The following GAMT variants were observed in gnomAD, a reference collection of about 807,000 sequenced individuals.
GAMT encodes the protein guanidinoacetate N-methyltransferase.
A neutral mutation model predicts 26.9 loss-of-function variants in GAMT; 26 were observed. The ratio of observed to expected loss-of-function variants is 0.97; its 90% CI spans 0.71 to 1.34. The LOEUF is 1.34. GAMT is among the 40% of genes most tolerant of loss of function. The pLI is 0.00. For synonymous variants in GAMT, 169 were observed against 149.6 expected (o/e 1.13, Z -0.95); for missense variants, 412 against 345.0 (o/e 1.19, Z -1.54).
At position 1,401,321 on chromosome 19, in the gene GAMT, C is replaced by A. The variant is rs1447391161; in HGVS notation, c.156G>T (p.Ala52=). The A allele has an allele frequency of 6.6e-7, 1 of 1,520,408 alleles. No homozygotes were observed. The allele number at this position is 1,520,408 out of a possible 1,614,324, so 94.2% of individuals were successfully genotyped here. Residue 52 remains alanine, a synonymous_variant, in exon 1 of 6, where the codon GCG becomes GCT. Transcript: ENST00000252288. ...CTTTGGAGGAGGCGGCGGCGGCCAGCGCGTGCATATAGGGGGTCTCCCAGC... is the reference window on the plus strand; with the variant it reads ...CTTTGGAGGAGGCGGCGGCGGCCAGAGCGTGCATATAGGGGGTCTCCCAGC... The part of the protein sequence containing the change: ...MERWETPYMH[A]LAAAASSKGG...
In GAMT at chr19:1,397,312, G is replaced by A; in HGVS notation, c.*47C>T. 6.3e-7 allele frequency: 1 copy of A among 1,577,910 alleles called. No homozygotes were observed. Among genetic ancestry groups the A allele is most frequent in the Non-Finnish European group, 8.6e-7 (1 of 1,164,576 alleles). On this transcript the variant is annotated 3_prime_UTR_variant, in exon 6 of 6. Transcript: ENST00000252288. ...GTGCGACACCCTGGACTCCCGGCCA[G>A]GAAGGCACGGAGGAGGGCATGGGTG...
At position 1,399,343 on chromosome 19, in the gene GAMT, A is replaced by G. The variant is rs1487498310; in HGVS notation, c.392-148T>C. 6.4e-6 allele frequency: 7 copies of G among 1,088,368 alleles called. No homozygotes were observed. The highest frequency in any genetic ancestry group is 1.6e-5 in the African/African-American group (1 of 64,126). The allele number at this position is 1,088,368 out of a possible 1,614,324, so 67.4% of individuals were successfully genotyped here. A position where few individuals can be genotyped will look rare whatever the true frequency, so the allele number is the denominator to read the frequency against. ...CCCACACAGGCTTGAGAACCCCGAG[A>G]TCGCCTCCAGGGCCCCTCCGTGAGC... On this transcript the variant is annotated intron_variant, in intron 3 of 5. Coordinates refer to ENST00000252288, the MANE Select transcript of GAMT (RefSeq NM_000156.6). The surrounding 1 kb of genome is among the most constrained non-coding windows in gnomAD (Gnocchi z 6.2).
chr19:1,400,081 G>C (rs1367374028), intron 1 of GAMT, 143 bp from the exon 2 acceptor site: 10 of 970,394 alleles, frequency 1.0e-5, no homozygotes, highest in African/African-American at 1.7e-5. Flanking sequence ...GCCTGGAGGG[G>C]GGCGTGCAGA....
chr19:1,398,708 T>C, intron 5 of GAMT: 1 of 1,534,346 alleles, frequency 6.5e-7, no homozygotes, highest in Non-Finnish European at 8.8e-7. Flanking sequence ...CCTTCCACAG[T>C]GCTGGGATTA....
chr19:1,397,254 T>C lies in GAMT; in HGVS notation c.*105A>G. 3 of 1,369,450 alleles carry C rather than the reference T, an allele frequency of 2.2e-6. No individual in the cohort carries two copies. The highest frequency in any genetic ancestry group is 1.4e-5 in the African/African-American group (1 of 69,864). 84.8% of individuals were successfully genotyped at this position (1,369,450 alleles called of 1,614,324 possible). ...CTCACAGAGAAGCCGGGAAAGCTTCTGGTGACACACAGCTGGGATCAGCCC... is the reference window on the plus strand; with the variant it reads ...CTCACAGAGAAGCCGGGAAAGCTTCCGGTGACACACAGCTGGGATCAGCCC... On this transcript the variant is annotated 3_prime_UTR_variant, in exon 6 of 6. Transcript: ENST00000252288.
At chr19:1,398,525 C>G (rs950276558) in intron 5 of GAMT, 7 of 591,226 alleles carry the variant, frequency 1.2e-5, no homozygotes, top group Admixed American at 3.0e-5. Context: ...AACCTCTGCC[C>G]CTGGGGCCCA....
chr19:1,399,329 T>A lies in GAMT; in HGVS notation c.392-134A>T. The stretch of plus-strand genomic sequence containing the variant: ...GTAGAGGTGGGGCTCCCACACAGGC[T>A]TGAGAACCCCGAGATCGCCTCCAGG... On this transcript the variant is annotated intron_variant, in intron 3 of 5. Coordinates refer to ENST00000252288, the MANE Select transcript of GAMT (RefSeq NM_000156.6). This position sits in a 1 kb window ranked among gnomAD's most constrained non-coding sequence, Gnocchi z 6.2. 1 of 1,134,934 alleles carries A rather than the reference T, an allele frequency of 8.8e-7. No homozygotes were observed. The highest frequency in any genetic ancestry group is 1.3e-6 in the Non-Finnish European group (1 of 760,966). 70.3% of individuals were successfully genotyped at this position (1,134,934 alleles called of 1,614,324 possible).
Position 1,401,326 on chromosome 19 carries a change from G to T in GAMT, c.151C>A (p.His51Asn). The change falls in exon 1 of 6, where the codon CAC (histidine) becomes AAC (asparagine). Residue 51 changes from histidine (H) to asparagine (N), a missense_variant. Coordinates refer to ENST00000252288, the MANE Select transcript of GAMT (RefSeq NM_000156.6). ...VMERWETPYM[H>N]ALAAAASSKG... is the part of the protein sequence containing the mutation. The stretch of plus-strand genomic sequence containing the variant: ...GAGGAGGCGGCGGCGGCCAGCGCGT[G>T]CATATAGGGGGTCTCCCAGCGCTCC... 6.6e-7 allele frequency: 1 copy of T among 1,525,236 alleles called. No homozygotes were observed. The highest frequency in any genetic ancestry group is 8.7e-7 in the Non-Finnish European group (1 of 1,143,252). The allele number at this position is 1,525,236 out of a possible 1,614,324, so 94.5% of individuals were successfully genotyped here.
intron 1 of GAMT, among the ~76,000 whole-genome samples, 190 bp downstream of exon 1, chr19:1,401,106 T>A (rs1016834637): frequency 6.6e-6 from 1 of 152,222 alleles, no homozygotes; most frequent in African/African-American, 2.4e-5. Flanking sequence ...GTGCCTAACG[T>A]GTGCGGGCCC....
intron 5 of GAMT, chr19:1,397,934 C>A: frequency 9.3e-7 from 1 of 1,076,480 alleles, no homozygotes; most frequent in Non-Finnish European, 1.1e-6. Context: ...TAGGCCGCCT[C>A]CACCAGGCAG....
chr19:1,397,743 G>A, intron 5 of GAMT: 5 of 1,405,686 alleles, frequency 3.6e-6, no homozygotes, highest in Non-Finnish European at 4.6e-6. Flanking sequence ...CCACCCCCGG[G>A]CACCTACTCC....
rs145095983 is a variant in GAMT at position 1,400,399 on chromosome 19, G to A, written c.182-461C>T. Among the ~76,000 whole-genome samples, 483 of 152,200 alleles carry A rather than the reference G, an allele frequency of 3.2e-3. 3 individuals carry two copies. Among genetic ancestry groups the A allele is most frequent in the Non-Finnish European group, 5.0e-3 (343 of 67,944 alleles). On this transcript the variant is annotated intron_variant, in intron 1 of 5. Coordinates refer to ENST00000252288, the MANE Select transcript of GAMT (RefSeq NM_000156.6). ...TGGGCCAGCATGGACAGAGGCGGGCGGAACACAGTAGTCCTGAGCGGGAAC... is the reference window on the plus strand; with the variant it reads ...TGGGCCAGCATGGACAGAGGCGGGCAGAACACAGTAGTCCTGAGCGGGAAC...
In GAMT at chr19:1,397,420, G is replaced by A. The variant is rs139890971; in HGVS notation, c.650C>T (p.Pro217Leu). The change falls in exon 6 of 6, where the codon CCG becomes CTG. Residue 217 changes from proline to leucine, a missense_variant. Pro to Leu is a moderately conservative substitution (Grantham distance 98). Transcript: ENST00000252288. The stretch of plus-strand genomic sequence containing the variant: ...GAAGGCGTAGTAGCGGCAGTCGGCC[G>A]GTGGGACCAGCGCCATCACCTCCGT... The part of the protein sequence containing the change: ...IRTEVMALVP[P>L]ADCRYYAFPQ... The A allele has an allele frequency of 3.5e-5, 57 of 1,611,394 alleles. No individual in the cohort carries two copies. Among genetic ancestry groups the A allele is most frequent in the African/African-American group, 6.7e-5 (5 of 74,922 alleles).
At position 1,397,325 on chromosome 19, in the gene GAMT, G is replaced by T. The variant is rs2082605548; in HGVS notation, c.*34C>A. On this transcript the variant is annotated 3_prime_UTR_variant, in exon 6 of 6. Coordinates refer to ENST00000252288, the MANE Select transcript of GAMT (RefSeq NM_000156.6). ...GACTCCCGGCCAGGAAGGCACGGAG[G>T]AGGGCATGGGTGTGGCCGGGCCGGG... 1.3e-6 allele frequency: 2 copies of T among 1,593,516 alleles called. No individual in the cohort carries two copies. Among genetic ancestry groups the T allele is most frequent in the African/African-American group, 1.3e-5 (1 of 74,614 alleles).
At chr19:1,397,625 G>A in intron 5 of GAMT, 126 bp from the exon 6 acceptor site, 1 of 1,466,514 alleles carries the variant, frequency 6.8e-7, no homozygotes, top group South Asian at 1.2e-5. Context: ...GCTCCCGTGG[G>A]CACGTGGCAG....
chr19:1,401,412 G>GC lies in GAMT; in HGVS notation c.64dup (p.Ala22GlyfsTer63), dbSNP rs1569009071. The GC allele has an allele frequency of 9.7e-6, 14 of 1,450,492 alleles. No individual in the cohort carries two copies. Among genetic ancestry groups the GC allele is most frequent in the Middle Eastern group, 2.3e-4 (1 of 4,420 alleles). The allele number at this position is 1,450,492 out of a possible 1,614,324, so 89.9% of individuals were successfully genotyped here. A position where few individuals can be genotyped will look rare whatever the true frequency, so the allele number is the denominator to read the frequency against. ...CGCTGCGTCGTAGGCCGCGGGCGCC[G>GC]CCCCCCACGCGGGGCTGCAGTTCTC... On this transcript the variant is annotated frameshift_variant, in exon 1 of 6. Coordinates refer to ENST00000252288, the MANE Select transcript of GAMT (RefSeq NM_000156.6). LOFTEE classifies it high-confidence loss of function.
intron 5 of GAMT, chr19:1,398,014 A>ACAC: frequency 9.7e-7 from 1 of 1,033,238 alleles, no homozygotes; most frequent in Non-Finnish European, 1.2e-6. Flanking sequence ...AGGGAGGGGA[A>ACAC]CACGCAGGGC....
At position 1,399,160 on chromosome 19, in the gene GAMT, T is replaced by A; in HGVS notation, c.427A>T (p.Thr143Ser). 6.2e-7 allele frequency: 1 copy of A among 1,613,616 alleles called. No homozygotes were observed. Among genetic ancestry groups the A allele is most frequent in the South Asian group, 1.1e-5 (1 of 91,072 alleles). ...LYDTYPLSEE[T>S]WHTHQFNFIK... ...AAGTTGAACTGGTGTGTGTGCCAGG[T>A]CTCCTCCGAGAGTGGGTACGTGTCG... The change falls in exon 4 of 6, where the codon ACC (threonine) becomes TCC (serine). Residue 143 changes from threonine to serine, a missense_variant. Coordinates refer to ENST00000252288, the MANE Select transcript of GAMT (RefSeq NM_000156.6). This position sits in a 1 kb window ranked among gnomAD's most constrained non-coding sequence, Gnocchi z 6.2.
rs759873807 is a variant in GAMT at position 1,397,446 on chromosome 19, A to G, written c.624T>C (p.Arg208=). 6 of 1,610,458 alleles carry G rather than the reference A, an allele frequency of 3.7e-6. No homozygotes were observed. The highest frequency in any genetic ancestry group is 1.6e-4 in the Middle Eastern group (1 of 6,062). Residue 208 remains arginine (R), a synonymous_variant, in exon 6 of 6, where the codon CGT becomes CGC. Coordinates refer to ENST00000252288, the MANE Select transcript of GAMT (RefSeq NM_000156.6). The stretch of plus-strand genomic sequence containing the variant: ...GTGGGACCAGCGCCATCACCTCCGT[A>G]CGGATGTTCTCCCTCCGGAAGCCGG... The part of the protein sequence containing the change: ...LEAGFRRENI[R]TEVMALVPPA...
Sources: allele counts gnomAD v4.1 joint callset (sites outside exome capture counted in the v4.1 genomes callset), GRCh38; gene constraint gnomAD v4.1.1; non-coding constraint Gnocchi (gnomAD v3.1); transcripts MANE v1.5; gene names NCBI Gene and HGNC (gene_info 2026-07-23, HGNC 2026-07-21).